Variants in SAMM50 observed in about 807,000 individuals in gnomAD.
The protein encoded by SAMM50 is SAMM50 sorting and assembly machinery component.
A neutral mutation model predicts 66.9 loss-of-function variants in SAMM50; 47 were observed. The ratio of observed to expected loss-of-function variants is 0.70; its 90% confidence interval spans 0.56 to 0.90. The LOEUF (loss-of-function observed/expected upper bound fraction) is 0.90, where lower values mean the gene tolerates loss of function less well. Ranked by LOEUF, SAMM50 falls within the 40% of genes least tolerant of loss-of-function variation. The pLI, the probability that SAMM50 is intolerant of heterozygous loss-of-function variation, is 0.00. For missense variants in SAMM50, 535 were observed against 595.3 expected, an observed-to-expected ratio of 0.90 and a Z score of 1.05; for synonymous variants, 191 against 214.1, an observed-to-expected ratio of 0.89 and a Z score of 0.94.
At chr22:43,967,489 G>A (rs1032783487) in intron 3 of SAMM50, among the ~76,000 whole-genome samples, 6 of 152,230 alleles carry the variant, frequency 3.9e-5, no homozygotes, top group African/African-American at 1.4e-4. Context: ...TACCTAGGCA[G>A]TGGCAGTGTC....
Position 43,980,022 on chromosome 22 carries a change from C to T in SAMM50, c.937-1369C>T, listed in dbSNP as rs73434666. Among the ~76,000 whole-genome samples, 1,017 of 140,802 alleles carry T rather than the reference C, an allele frequency of 7.2e-3. 13 individuals are homozygous for T. The highest frequency in any genetic ancestry group is 0.025 in the African/African-American group (963 of 38,380). 92.4% of individuals were successfully genotyped at this position (140,802 alleles called of 152,430 possible). A position where few individuals can be genotyped will look rare whatever the true frequency, so the allele number is the denominator to read the frequency against. On this transcript the variant is annotated intron_variant, in intron 10 of 14. Transcript: ENST00000350028. ...CTCCACTGTGCCCGTAGCTCCTGTG[C>T]TTATCCTGTGGTAGTGCCCATCCAT... is the stretch of plus-strand genomic sequence containing the variant.
intron 14 of SAMM50, among the ~76,000 whole-genome samples, chr22:43,995,780 G>A (rs947194270): frequency 6.6e-6 from 1 of 152,240 alleles, no homozygotes; most frequent in Non-Finnish European, 1.5e-5. Flanking sequence ...AGTCACACCT[G>A]CAGAAGGTCA....
intron 4 of SAMM50, 72 bp downstream of exon 4, chr22:43,968,890 A>T: frequency 9.5e-7 from 1 of 1,053,400 alleles, no homozygotes; most frequent in Non-Finnish European, 1.5e-6. Flanking sequence ...TTATGGCCAG[A>T]TGCAGATCTG....
chr22:43,960,965 A>G (rs1231774798), intron 1 of SAMM50, among the ~76,000 whole-genome samples: 1 of 152,198 alleles, frequency 6.6e-6, no homozygotes, highest in East Asian at 1.9e-4. Flanking sequence ...AAACTGGAGT[A>G]GCAGATGCAG....
At chr22:43,955,972 T>C (rs2050117326) in intron 1 of SAMM50, among the ~76,000 whole-genome samples, 2 of 152,226 alleles carry the variant, frequency 1.3e-5, no homozygotes, top group Admixed American at 1.3e-4. Context: ...CTGGAGCCAT[T>C]GTAGGCTCCT....
intron 14 of SAMM50, among the ~76,000 whole-genome samples, chr22:43,995,914 C>T (rs1057291272): frequency 3.3e-5 from 5 of 152,130 alleles, no homozygotes; most frequent in Admixed American, 6.5e-5. Context: ...TTTCCTAAGC[C>T]CCGGGACCTT....
At chr22:43,974,140 T>C (rs1364550239) in intron 7 of SAMM50, among the ~76,000 whole-genome samples, 1 of 152,010 alleles carries the variant, frequency 6.6e-6, no homozygotes, top group Non-Finnish European at 1.5e-5. Flanking sequence ...CCACATGTGG[T>C]CTTCAGACCA....
intron 7 of SAMM50, chr22:43,975,828 G>A: frequency 3.8e-6 from 2 of 522,502 alleles, no homozygotes; most frequent in Middle Eastern, 5.2e-4. Context: ...ACTTAGAGCA[G>A]TACTGCCTTT....
chr22:43,961,493 A>G (rs1456737892), intron 1 of SAMM50, among the ~76,000 whole-genome samples: 1 of 152,208 alleles, frequency 6.6e-6, no homozygotes, highest in Non-Finnish European at 1.5e-5. Context: ...TCTGTCACCT[A>G]GGCTAGAGTG....
intron 5 of SAMM50, 45 bp from the exon 6 acceptor site, chr22:43,972,826 T>C: frequency 6.4e-7 from 1 of 1,553,650 alleles, no homozygotes. Flanking sequence ...AAGTTCTCAT[T>C]CCTTCAATGT....
chr22:43,958,657 T>G (rs2050132473), intron 1 of SAMM50, among the ~76,000 whole-genome samples: 1 of 151,976 alleles, frequency 6.6e-6, no homozygotes, highest in South Asian at 2.1e-4. Flanking sequence ...TTTTGTATTT[T>G]TAGTAGAGAC....
At chr22:43,963,113 A>C (rs906376581) in intron 1 of SAMM50, 173 bp from the exon 2 acceptor site, 6 of 451,876 alleles carry the variant, frequency 1.3e-5, no homozygotes, top group African/African-American at 1.2e-4. Flanking sequence ...CTTGCTCATT[A>C]GCAATAGCTG....
In SAMM50 at chr22:43,983,404, A is replaced by C. The variant is rs1183979090; in HGVS notation, c.1008-529A>C. ...ATATTATTCAGATATGGTTGGTGAG[A>C]GTGTGACAATCCAGTTCATTAGGGA... On this transcript the variant is annotated intron_variant, in intron 11 of 14. Transcript: ENST00000350028. The surrounding 1 kb of genome is among the most constrained non-coding windows in gnomAD (Gnocchi z 4.2). Among the ~76,000 whole-genome samples the C allele has an allele frequency of 6.6e-6, 1 of 152,200 alleles. No individual in the cohort carries two copies. The highest frequency in any genetic ancestry group is 2.4e-5 in the African/African-American group (1 of 41,436).
At position 43,958,306 on chromosome 22, in the gene SAMM50, A is replaced by G. The variant is rs1445701437; in HGVS notation, c.21+2708A>G. On this transcript the variant is annotated intron_variant, in intron 1 of 14. Transcript: ENST00000350028. ...TCTTATCCTTTGATCCTAAATTTCT[A>G]GATGTAATGGTAGGAACTGCATCTT... is the stretch of plus-strand genomic sequence containing the variant. Among the ~76,000 whole-genome samples, 5 of 151,996 alleles carry G rather than the reference A, an allele frequency of 3.3e-5. No individual in the cohort carries two copies. The East Asian group carries it at 9.6e-4, about 29-fold the overall frequency.
chr22:43,974,399 G>A (rs144784987), intron 7 of SAMM50, among the ~76,000 whole-genome samples: 62 of 152,334 alleles, frequency 4.1e-4, no homozygotes, highest in African/African-American at 1.3e-3. Flanking sequence ...TCCCAGGGCC[G>A]TTGTGAGGGT....
chr22:43,996,270 T>A, intron 14 of SAMM50, 68 bp from the exon 15 acceptor site: 1 of 1,545,372 alleles, frequency 6.5e-7, no homozygotes, highest in Non-Finnish European at 8.9e-7. Context: ...AGGCGCATGC[T>A]CAGTGAGTCG....
intron 14 of SAMM50, among the ~76,000 whole-genome samples, chr22:43,993,227 C>T (rs1007127195): frequency 1.3e-5 from 2 of 152,168 alleles, no homozygotes; most frequent in Admixed American, 6.5e-5. Flanking sequence ...CTTTAGATAC[C>T]GCTCTCTGAC....
At chr22:43,979,532 A>G (rs780739352) in intron 10 of SAMM50, among the ~76,000 whole-genome samples, 9 of 151,822 alleles carry the variant, frequency 5.9e-5, no homozygotes, top group African/African-American at 2.2e-4. Context: ...CACTGAACCA[A>G]TGTCGCGTTC....
chr22:43,989,539 T>C (rs986911212), intron 13 of SAMM50, among the ~76,000 whole-genome samples: 2 of 152,110 alleles, frequency 1.3e-5, no homozygotes, highest in East Asian at 1.9e-4. Context: ...GATTTCACCA[T>C]GTTGGCCAGG....
Sources: allele counts gnomAD v4.1 joint callset (sites outside exome capture counted in the v4.1 genomes callset), GRCh38; gene constraint gnomAD v4.1.1; non-coding constraint Gnocchi (gnomAD v3.1); transcripts MANE v1.5; gene names NCBI Gene and HGNC (gene_info 2026-07-23, HGNC 2026-07-21).